S100G: variants seen among roughly 807,000 people sequenced by gnomAD.
S100G encodes the protein S100 calcium binding protein G, also known as protein S100-G.
In S100G, 4 loss-of-function variants were observed where a neutral mutation model predicts 4.4. That is an observed-to-expected ratio of 0.91 (90% CI 0.45 to 2.09). S100G has a LOEUF of 2.09. S100G is among the 30% of genes most tolerant of loss of function. The probability of loss-of-function intolerance (pLI) is 0.03; values close to 1 mark genes in which losing one functional copy is unlikely to be tolerated. For missense variants in S100G, 48 were observed against 49.8 expected (o/e 0.96, Z 0.11); for synonymous variants, 24 against 20.1 (o/e 1.20, Z -0.53).
Position 16,651,163 on chromosome X carries a change from C to A in S100G, c.135+22C>A. The A allele has an allele frequency of 3.6e-6, 4 of 1,108,498 alleles. No individual in the cohort carries two copies. In the South Asian group the frequency reaches 7.4e-5, roughly 21 times the overall value. 91.4% of individuals were successfully genotyped at this position (1,108,498 alleles called of 1,213,427 possible). On this transcript the variant is annotated intron_variant, in intron 2 of 2. Coordinates refer to ENST00000380200, the MANE Select transcript of S100G (RefSeq NM_004057.3). Reference sequence around the variant, plus strand: ...CAAAGTAAGTGGCCATCCGCAGAGCCCACTTAATGGGACTGATGGTGGGAG... The same window carrying A: ...CAAAGTAAGTGGCCATCCGCAGAGCACACTTAATGGGACTGATGGTGGGAG...
Position 16,654,490 on chromosome X carries a change from T to C in S100G, c.221T>C (p.Val74Ala). ...EVSFEEFQVL[V>A]KKISQ ...AGTTTTGAAGAATTCCAAGTATTAG[T>C]AAAAAAGATATCCCAGTGAAGGAGA... The change falls in exon 3 of 3, where the codon GTA (valine) becomes GCA (alanine). Residue 74 changes from valine (V) to alanine (A), a missense_variant. Physicochemically the swap from Val to Ala is moderately conservative, Grantham distance 64. Coordinates refer to ENST00000380200, the MANE Select transcript of S100G (RefSeq NM_004057.3). 8.5e-7 allele frequency: 1 copy of C among 1,174,807 alleles called. No individual in the cohort carries two copies.
intron 2 of S100G, among the ~76,000 whole-genome samples, chrX:16,652,883 T>C (rs1186001998): frequency 9.0e-6 from 1 of 111,713 alleles, no homozygotes; most frequent in African/African-American, 3.3e-5. Flanking sequence ...GAAAACAGTG[T>C]TTCATATTCA....
At chrX:16,653,624 C>T (rs1006074335) in intron 2 of S100G, among the ~76,000 whole-genome samples, 2 of 110,917 alleles carry the variant, frequency 1.8e-5, no homozygotes, top group Non-Finnish European at 3.8e-5. Context: ...TTCTCGGGCC[C>T]CACCCCAGGC....
chrX:16,652,732 A>G (rs1432235509), intron 2 of S100G, among the ~76,000 whole-genome samples: 2 of 110,975 alleles, frequency 1.8e-5, no homozygotes, highest in Non-Finnish European at 3.8e-5. Context: ...CGAGGTAGGA[A>G]GACTAATGGT....
Position 16,654,517 on chromosome X carries a change from A to G in S100G, c.*8A>G. On this transcript the variant is annotated 3_prime_UTR_variant, in exon 3 of 3. Transcript: ENST00000380200. ...AAAAAGATATCCCAGTGAAGGAGAA[A>G]ACAAAATAGAACCCTGAGCACTGGA... 1 of 1,052,568 alleles carries G rather than the reference A, an allele frequency of 9.5e-7. No individual in the cohort carries two copies. The highest frequency in any genetic ancestry group is 1.3e-6 in the Non-Finnish European group (1 of 755,849). The allele number at this position is 1,052,568 out of a possible 1,213,427, so 86.7% of individuals were successfully genotyped here.
Position 16,651,021 on chromosome X carries a change from G to C in S100G, c.15G>C (p.Lys5Asn). MSTK[K>N]SPEELKRIFE... ...AAGACACCAGAATGAGTACTAAAAA[G>C]TCTCCTGAGGAACTGAAGAGGATTT... The change falls in exon 2 of 3, where the codon AAG becomes AAC. Residue 5 changes from lysine (K) to asparagine (N), a missense_variant. Physicochemically the swap from Lys to Asn is moderately conservative, Grantham distance 94 (BLOSUM62 0). Transcript: ENST00000380200. 8.3e-7 allele frequency: 1 copy of C among 1,206,054 alleles called. No homozygotes were observed. The highest frequency in any genetic ancestry group is 1.1e-6 in the Non-Finnish European group (1 of 891,046).
chrX:16,654,132 A>G (rs1415350500), intron 2 of S100G, among the ~76,000 whole-genome samples: 1 of 112,422 alleles, frequency 8.9e-6, no homozygotes, highest in Non-Finnish European at 1.9e-5. Flanking sequence ...AAGACCCAAG[A>G]TCGCATAAGA....
At position 16,653,118 on chromosome X, in the gene S100G, A is replaced by C. The variant is rs1374052710; in HGVS notation, c.136-1287A>C. On this transcript the variant is annotated intron_variant, in intron 2 of 2. Coordinates refer to ENST00000380200, the MANE Select transcript of S100G (RefSeq NM_004057.3). ...CCACAATTTATATATACATATATAT[A>C]TATAATATAGTCTAATTTGAAACTG... is the stretch of plus-strand genomic sequence containing the variant. Among the ~76,000 whole-genome samples the C allele has an allele frequency of 6.3e-5, 7 of 110,783 alleles. No individual in the cohort carries two copies. The Admixed American group carries it at 6.8e-4, about 11-fold the overall frequency.
rs756835549 is a variant in S100G at position 16,651,035 on chromosome X, T to C, written c.29T>C (p.Leu10Pro). The C allele has an allele frequency of 1.7e-6, 2 of 1,205,835 alleles. No individual in the cohort carries two copies. Among genetic ancestry groups the C allele is most frequent in the South Asian group, 3.5e-5 (2 of 56,773 alleles). Residue 10 changes from leucine to proline, a missense_variant, in exon 2 of 3, where the codon CTG (leucine) becomes CCG (proline). Leu to Pro is a moderately conservative substitution (Grantham distance 98, BLOSUM62 -3). Coordinates refer to ENST00000380200, the MANE Select transcript of S100G (RefSeq NM_004057.3). MSTKKSPEE[L>P]KRIFEKYAAK... Reference sequence around the variant, plus strand: ...AGTACTAAAAAGTCTCCTGAGGAACTGAAGAGGATTTTTGAAAAATATGCA... The same window carrying C: ...AGTACTAAAAAGTCTCCTGAGGAACCGAAGAGGATTTTTGAAAAATATGCA...
At chrX:16,652,045 C>T (rs6632859) in intron 2 of S100G, among the ~76,000 whole-genome samples, 20,760 of 109,975 alleles carry the variant, frequency 0.19, 1,680 homozygotes, top group Middle Eastern at 0.29. Flanking sequence ...TGGAAAATTA[C>T]CAAGGAAATA....
intron 2 of S100G, among the ~76,000 whole-genome samples, chrX:16,653,122 A>T (rs1932727145): frequency 9.0e-6 from 1 of 110,592 alleles, no homozygotes; most frequent in South Asian, 3.8e-4. Context: ...ATATATATAT[A>T]ATATAGTCTA....
At position 16,654,574 on chromosome X, in the gene S100G, T is replaced by C; in HGVS notation, c.*65T>C. ...GCGCCTGTGCTGTGGTCTTATCCTA[T>C]GTGGAATCCCCCAAAGTCTCTGGTT... is the stretch of plus-strand genomic sequence containing the variant. On this transcript the variant is annotated 3_prime_UTR_variant, in exon 3 of 3. Transcript: ENST00000380200. 5 of 596,602 alleles carry C rather than the reference T, an allele frequency of 8.4e-6. No homozygotes were observed. Among genetic ancestry groups the C allele is most frequent in the African/African-American group, 2.3e-5 (1 of 44,275 alleles). 49.2% of individuals were successfully genotyped at this position (596,602 alleles called of 1,213,427 possible).
rs1453706764 is a variant in S100G at position 16,654,424 on chromosome X, ATC to A, written c.159_160del (p.Phe54SerfsTer12). ...AAACAGGGTCCAAACACCCTAGATG[ATC>A]TCTTTCAAGAACTGGACAAGAATGG... On this transcript the variant is annotated frameshift_variant, in exon 3 of 3. Coordinates refer to ENST00000380200, the MANE Select transcript of S100G (RefSeq NM_004057.3). LOFTEE classifies it high-confidence loss of function. 8.4e-7 allele frequency: 1 copy of A among 1,196,410 alleles called. No homozygotes were observed. The highest frequency in any genetic ancestry group is 1.1e-6 in the Non-Finnish European group (1 of 886,162).
rs1932596307 is a variant in S100G, at chrX:16,651,038, A to G, written c.32A>G (p.Lys11Arg). Residue 11 changes from lysine to arginine, a missense_variant, in exon 2 of 3, where the codon AAG (lysine) becomes AGG (arginine). Physicochemically the swap from Lys to Arg is conservative, Grantham distance 26 (BLOSUM62 2). Transcript: ENST00000380200. MSTKKSPEEL[K>R]RIFEKYAAKE... ...ACTAAAAAGTCTCCTGAGGAACTGA[A>G]GAGGATTTTTGAAAAATATGCAGCC... 1 of 1,206,621 alleles carries G rather than the reference A, an allele frequency of 8.3e-7. No individual in the cohort carries two copies. The highest frequency in any genetic ancestry group is 1.7e-5 in the African/African-American group (1 of 57,616).
intron 2 of S100G, 45 bp downstream of exon 2, chrX:16,651,186 G>A: frequency 1.2e-6 from 1 of 846,541 alleles, no homozygotes; most frequent in Non-Finnish European, 1.7e-6. Context: ...CTGATGGTGG[G>A]AGGGGAGGGA....
At position 16,651,150 on chromosome X, in the gene S100G, C is replaced by T; in HGVS notation, c.135+9C>T. 8.4e-7 allele frequency: 1 copy of T among 1,187,589 alleles called. No homozygotes were observed. The highest frequency in any genetic ancestry group is 1.1e-6 in the Non-Finnish European group (1 of 876,760). The stretch of plus-strand genomic sequence containing the variant: ...TCCCCAGTTTACTCAAAGTAAGTGG[C>T]CATCCGCAGAGCCCACTTAATGGGA... On this transcript the variant is annotated intron_variant, in intron 2 of 2. Coordinates refer to ENST00000380200, the MANE Select transcript of S100G (RefSeq NM_004057.3).
At chrX:16,651,187 AG>A in intron 2 of S100G, 46 bp downstream of exon 2, 7 of 280,331 alleles carry the variant, frequency 2.5e-5, no homozygotes, top group Non-Finnish European at 5.0e-5. Flanking sequence ...TGATGGTGGG[AG>A]GGGAGGGAGG....
chrX:16,651,490 A>T (rs1253345847), intron 2 of S100G, among the ~76,000 whole-genome samples: 5 of 112,161 alleles, frequency 4.5e-5, no homozygotes, highest in Non-Finnish European at 9.4e-5. Flanking sequence ...AGGAAAACAA[A>T]GAGGACTGCA....
At chrX:16,650,974 G>T in intron 1 of S100G, 25 bp from the exon 2 acceptor site, 1 of 1,190,594 alleles carries the variant, frequency 8.4e-7, no homozygotes. Flanking sequence ...TTTTTGGTAA[G>T]TTTATTTTCT....
Sources: allele counts gnomAD v4.1 joint callset (sites outside exome capture counted in the v4.1 genomes callset), GRCh38; gene constraint gnomAD v4.1.1; transcripts MANE v1.5; gene names NCBI Gene and HGNC (gene_info 2026-07-23, HGNC 2026-07-21).